The following TUSC3 variants were observed in gnomAD, a reference collection of about 807,000 sequenced individuals.
TUSC3 encodes dolichyl-diphosphooligosaccharide--protein glycosyltransferase subunit TUSC3.
Under a neutral mutation model 44.8 loss-of-function variants are expected in TUSC3, and 45 were observed. The observed-to-expected ratio is 1.00, with a 90% CI of 0.79 to 1.29. The LOEUF (loss-of-function observed/expected upper bound fraction) is 1.29, where lower values mean the gene tolerates loss of function less well. TUSC3 is among the 50% of genes most tolerant of loss of function. TUSC3 has a pLI of 0.00. For missense variants in TUSC3, 519 were observed against 437.9 expected (o/e 1.19, Z -1.65); for synonymous variants, 212 against 152.9 (o/e 1.39, Z -2.85).
At chr8:15,530,320 A>C (rs914601667) in intron 2 of TUSC3, among the ~76,000 whole-genome samples, 1 of 152,034 alleles carries the variant, frequency 6.6e-6, no homozygotes. Flanking sequence ...TCCTGTGTTT[A>C]CCCTAGTGTC....
intron 3 of TUSC3, among the ~76,000 whole-genome samples, chr8:15,656,008 T>C (rs1193544483): frequency 6.6e-6 from 1 of 152,172 alleles, no homozygotes. Flanking sequence ...ACCATTGTCT[T>C]AGTTCATTTT....
chr8:15,834,561 G>C, the TUSC3 span, among the ~76,000 whole-genome samples: 6 of 152,180 alleles, frequency 3.9e-5, no homozygotes, highest in African/African-American at 1.2e-4. Flanking sequence ...TTTTCATTAA[G>C]AATAACAATA....
chr8:15,460,086 A>T (rs13262835), intron 1 of TUSC3, among the ~76,000 whole-genome samples: 44,611 of 151,984 alleles, frequency 0.29, 7,972 homozygotes, highest in Non-Finnish European at 0.41. Flanking sequence ...TGGTAGTTCT[A>T]CTTTTAGGTC....
At chr8:15,817,802 G>C in the TUSC3 span, among the ~76,000 whole-genome samples, 2 of 152,062 alleles carry the variant, frequency 1.3e-5, no homozygotes, top group Non-Finnish European at 2.9e-5. Flanking sequence ...CACAAGTGTT[G>C]GTCCTAGTAA....
chr8:15,418,710 A>C (rs1433321029), intron 1 of TUSC3, among the ~76,000 whole-genome samples: 1 of 152,252 alleles, frequency 6.6e-6, no homozygotes, highest in Admixed American at 6.5e-5. Flanking sequence ...GTTAAAATTA[A>C]GAATTAAAGA....
chr8:15,819,105 C>G, the TUSC3 span, among the ~76,000 whole-genome samples: 1 of 151,990 alleles, frequency 6.6e-6, no homozygotes, highest in African/African-American at 2.4e-5. Context: ...TCACAGCATT[C>G]TTGATTCTAG....
At chr8:15,604,917 A>G in intron 1 of TUSC3, among the ~76,000 whole-genome samples, 1 of 151,896 alleles carries the variant, frequency 6.6e-6, no homozygotes, top group Admixed American at 6.6e-5. Context: ...GTTTTTCTCT[A>G]ATGGTTCACT....
chr8:15,480,859 G>C (rs1042604836), intron 1 of TUSC3, among the ~76,000 whole-genome samples: 1 of 152,106 alleles, frequency 6.6e-6, no homozygotes, highest in Non-Finnish European at 1.5e-5. Flanking sequence ...TTCAATATAC[G>C]AATTTTGAGG....
chr8:15,443,874 C>G (rs1800056348), intron 1 of TUSC3, among the ~76,000 whole-genome samples: 1 of 152,100 alleles, frequency 6.6e-6, no homozygotes, highest in South Asian at 2.1e-4. Flanking sequence ...CTCACCTGAT[C>G]TTGTGGCCCC....
chr8:15,510,328 A>G (rs756875389), intron 2 of TUSC3, among the ~76,000 whole-genome samples: 15 of 152,314 alleles, frequency 9.8e-5, no homozygotes, highest in Admixed American at 2.6e-4. Flanking sequence ...TATGAGATCA[A>G]TACAATTGAT....
chr8:15,540,625 C>T (rs1585082777), intron 1 of TUSC3, 57 bp downstream of exon 1: 1 of 1,475,564 alleles, frequency 6.8e-7, no homozygotes, highest in Non-Finnish European at 9.1e-7. Context: ...GGGTGGGCCG[C>T]GTTGCCAGGC....
chr8:15,421,704 C>G (rs928147872), intron 1 of TUSC3, among the ~76,000 whole-genome samples: 1 of 152,022 alleles, frequency 6.6e-6, no homozygotes, highest in African/African-American at 2.4e-5. Flanking sequence ...GTTAAAGGTG[C>G]CTATTCATGC....
intron 2 of TUSC3, among the ~76,000 whole-genome samples, chr8:15,502,282 G>C (rs1198424773): frequency 6.6e-6 from 1 of 152,084 alleles, no homozygotes; most frequent in East Asian, 1.9e-4. Context: ...TTTCCCAAAT[G>C]CCCAATTAAA....
the TUSC3 span, among the ~76,000 whole-genome samples, chr8:15,783,931 A>AGTC: frequency 2.0e-5 from 3 of 152,212 alleles, no homozygotes; most frequent in Non-Finnish European, 4.4e-5. Context: ...TGGGGAGAAA[A>AGTC]TGTTAGCAAA....
At chr8:15,646,856 A>C (rs1281528532) in intron 2 of TUSC3, among the ~76,000 whole-genome samples, 2 of 152,104 alleles carry the variant, frequency 1.3e-5, no homozygotes, top group Non-Finnish European at 2.9e-5. Context: ...TTATCTTTAC[A>C]TTCTTGTTAT....
intron 10 of TUSC3, chr8:15,758,098 A>G (rs1304973118): frequency 4.7e-6 from 6 of 1,279,598 alleles, no homozygotes; most frequent in Non-Finnish European, 5.9e-6. Context: ...GACAGATGCA[A>G]TGCTTCCACC....
intron 1 of TUSC3, among the ~76,000 whole-genome samples, chr8:15,426,007 C>T (rs1799799267): frequency 6.6e-6 from 1 of 152,154 alleles, no homozygotes; most frequent in Non-Finnish European, 1.5e-5. Context: ...CAGATTGAGG[C>T]TCTGCCTCTA....
chr8:15,792,740 C>T, the TUSC3 span, among the ~76,000 whole-genome samples: 1 of 151,968 alleles, frequency 6.6e-6, no homozygotes, highest in Non-Finnish European at 1.5e-5. Context: ...CTCAGCTCCT[C>T]GAGTAGCTGG....
At chr8:15,636,709 G>A (rs1397850907) in intron 2 of TUSC3, among the ~76,000 whole-genome samples, 1 of 152,174 alleles carries the variant, frequency 6.6e-6, no homozygotes, top group Non-Finnish European at 1.5e-5. Flanking sequence ...CTTTTCAGAG[G>A]ACACTGGTTT....
Sources: gnomAD v4.1 joint callset for allele counts (sites outside exome capture counted in the v4.1 genomes callset) on GRCh38, gnomAD v4.1.1 for gene constraint, MANE v1.5 for transcripts, NCBI Gene and HGNC (gene_info 2026-07-23, HGNC 2026-07-21) for gene names.